The following RNF44 variants were observed in gnomAD, a reference collection of about 807,000 sequenced individuals.
RNF44 encodes the protein ring finger protein 44.
In RNF44, 25 loss-of-function variants were observed where a neutral mutation model predicts 53.6. The observed-to-expected ratio is 0.47, with a 90% confidence interval of 0.34 to 0.65. RNF44 has a LOEUF of 0.65. RNF44 is among the 30% of genes least tolerant of loss of function. The pLI is 0.01. For missense variants in RNF44, 581 were observed against 595.5 expected (o/e 0.98, Z 0.25); for synonymous variants, 282 against 252.2 (o/e 1.12, Z -1.12).
At position 176,531,344 on chromosome 5, in the gene RNF44, T is replaced by C; in HGVS notation, c.465+119A>G. The C allele has an allele frequency of 9.9e-7, 1 of 1,013,710 alleles. No individual in the cohort carries two copies. The highest frequency in any genetic ancestry group is 1.7e-5 in the South Asian group (1 of 59,652). The allele number at this position is 1,013,710 out of a possible 1,614,324, so 62.8% of individuals were successfully genotyped here. On this transcript the variant is annotated intron_variant, in intron 4 of 10. Transcript: ENST00000274811. The surrounding 1 kb of genome is among the most constrained non-coding windows in gnomAD (Gnocchi z 4.2). ...TCCTGGGGAGGCCAGGCAGGCGCTC[T>C]GACAGCCTGGATGGCTGGATAGCTC...
Position 176,531,133 on chromosome 5 carries a change from G to A in RNF44, c.466-112C>T, listed in dbSNP as rs1756620085. The A allele has an allele frequency of 2.6e-6, 2 of 780,950 alleles. No individual in the cohort carries two copies. The highest frequency in any genetic ancestry group is 3.0e-5 in the East Asian group (1 of 33,124). The allele number at this position is 780,950 out of a possible 1,614,324, so 48.4% of individuals were successfully genotyped here. ...CCGGGCACACACCCAGCAGCTCCAG[G>A]GTCTGTATAAGAAACCCTGTGGAAG... On this transcript the variant is annotated intron_variant, in intron 4 of 10. Transcript: ENST00000274811. The surrounding 1 kb of genome is among the most constrained non-coding windows in gnomAD (Gnocchi z 4.2).
chr5:176,536,310 G>A (rs1203875347), intron 1 of RNF44: 1 of 152,302 alleles, frequency 6.6e-6, no homozygotes, highest in Non-Finnish European at 1.5e-5. Flanking sequence ...AATGGGGGTG[G>A]AAATCTTTCC....
Position 176,537,090 on chromosome 5 carries a change from C to G in RNF44, c.-195G>C, listed in dbSNP as rs1414234266. ...TGTGCTCCCCTCCCCACCCCCGGGTCCGGGGGCAGCCCGGCTCCTTCCGGG... is the reference window on the plus strand; with the variant it reads ...TGTGCTCCCCTCCCCACCCCCGGGTGCGGGGGCAGCCCGGCTCCTTCCGGG... On this transcript the variant is annotated 5_prime_UTR_variant, in exon 1 of 11. Coordinates refer to ENST00000274811, the MANE Select transcript of RNF44 (RefSeq NM_014901.5). 1 of 152,136 alleles carries G rather than the reference C, an allele frequency of 6.6e-6. No homozygotes were observed. Among genetic ancestry groups the G allele is most frequent in the Non-Finnish European group, 1.5e-5 (1 of 68,082 alleles). The allele number at this position is 152,136 out of a possible 1,614,324, so 9.4% of individuals were successfully genotyped here.
upstream of RNF44, chr5:176,542,500 C>T (rs1266910114): frequency 6.6e-6 from 1 of 152,268 alleles, no homozygotes; most frequent in Non-Finnish European, 1.5e-5. Flanking sequence ...GCTGGAACCC[C>T]CAGGTTCTGC....
chr5:176,535,763 C>G (rs1419209968), intron 1 of RNF44, among the ~76,000 whole-genome samples: 2 of 152,198 alleles, frequency 1.3e-5, no homozygotes, highest in Non-Finnish European at 2.9e-5. Flanking sequence ...GAGCTAGCAA[C>G]TTGCTCAAGG....
chr5:176,540,984 T>C (rs911434570), upstream of RNF44, among the ~76,000 whole-genome samples: 1 of 152,236 alleles, frequency 6.6e-6, no homozygotes, highest in Admixed American at 6.5e-5. Flanking sequence ...GGAACCCTGC[T>C]GTGGGGACGT....
chr5:176,535,439 G>T (rs1167390421), intron 1 of RNF44, among the ~76,000 whole-genome samples: 1 of 152,198 alleles, frequency 6.6e-6, no homozygotes, highest in Non-Finnish European at 1.5e-5. Context: ...TGGTAAGAGT[G>T]GATCCTGGTT....
chr5:176,529,718 G>A lies in RNF44; in HGVS notation c.1014+13C>T, dbSNP rs1215335998. ...TCCCAAACCCCACCTCCCAGCATGGGGCTCCATGGGACCTCATAGTTCTCC... is the reference window on the plus strand; with the variant it reads ...TCCCAAACCCCACCTCCCAGCATGGAGCTCCATGGGACCTCATAGTTCTCC... On this transcript the variant is annotated intron_variant, in intron 8 of 10. Coordinates refer to ENST00000274811, the MANE Select transcript of RNF44 (RefSeq NM_014901.5). The A allele has an allele frequency of 5.0e-6, 8 of 1,611,024 alleles. No homozygotes were observed. Among genetic ancestry groups the A allele is most frequent in the Non-Finnish European group, 6.8e-6 (8 of 1,178,614 alleles).
intron 9 of RNF44, 25 bp downstream of exon 9, chr5:176,529,498 G>A: frequency 6.2e-7 from 1 of 1,613,522 alleles, no homozygotes; most frequent in Non-Finnish European, 8.5e-7. Flanking sequence ...GTTCAGAGGG[G>A]TGGGAGGTGG....
In RNF44 at chr5:176,526,990, AATAC is replaced by A. The variant is rs1414178002; in HGVS notation, c.*2034_*2037del. On this transcript the variant is annotated 3_prime_UTR_variant, in exon 11 of 11. Coordinates refer to ENST00000274811, the MANE Select transcript of RNF44 (RefSeq NM_014901.5). ...TTCTCTATATATTAGCATTTTCTCA[AATAC>A]ATACATGGGAAAAATGAGGTAACTG... 6.6e-6 allele frequency: 1 copy of A among 152,408 alleles called. No homozygotes were observed. Among genetic ancestry groups the A allele is most frequent in the Admixed American group, 6.6e-5 (1 of 15,258 alleles). The allele number at this position is 152,408 out of a possible 1,614,324, so 9.4% of individuals were successfully genotyped here. A position where few individuals can be genotyped will look rare whatever the true frequency, so the allele number is the denominator to read the frequency against.
intron 1 of RNF44, among the ~76,000 whole-genome samples, chr5:176,533,970 C>T (rs1256190949): frequency 6.6e-6 from 1 of 152,256 alleles, no homozygotes; most frequent in Non-Finnish European, 1.5e-5. Context: ...TCCCTGTTGA[C>T]ACAGCCAGGG....
In RNF44 at chr5:176,531,637, G is replaced by C. The variant is rs1756676241; in HGVS notation, c.298-7C>G. Reference sequence around the variant, plus strand: ...GGACAGGTCCCTGGTGCACCTGTGGGTGGAGAGAACGCCGGGAAAGTATGA... The same window carrying C: ...GGACAGGTCCCTGGTGCACCTGTGGCTGGAGAGAACGCCGGGAAAGTATGA... On this transcript the variant is annotated splice_region_variant and splice_polypyrimidine_tract_variant and intron_variant, in intron 3 of 10. Transcript: ENST00000274811. The surrounding 1 kb of genome is among the most constrained non-coding windows in gnomAD (Gnocchi z 4.2). 1.3e-6 allele frequency: 2 copies of C among 1,598,128 alleles called. No homozygotes were observed. Among genetic ancestry groups the C allele is most frequent in the Non-Finnish European group, 1.7e-6 (2 of 1,170,358 alleles).
chr5:176,530,093 C>G lies in RNF44; in HGVS notation c.915G>C (p.Leu305=), dbSNP rs776727567. ...PPPPPYYPSF[L]PYFLSMLPMS... The stretch of plus-strand genomic sequence containing the variant: ...GTGCGGATACTTACAGGAAGTAGGG[C>G]AGGAAGCTGGGGTAGTAGGGTGGTG... Residue 305 remains leucine (L), a synonymous_variant, in exon 7 of 11, where the codon CTG becomes CTC. Coordinates refer to ENST00000274811, the MANE Select transcript of RNF44 (RefSeq NM_014901.5). 8.8e-6 allele frequency: 9 copies of G among 1,017,592 alleles called. 1 individual carries two copies. In the South Asian group the frequency reaches 2.6e-4, roughly 30 times the overall value. The allele number at this position is 1,017,592 out of a possible 1,614,324, so 63.0% of individuals were successfully genotyped here.
upstream of RNF44, among the ~76,000 whole-genome samples, chr5:176,539,701 C>T (rs1016003380): frequency 6.6e-6 from 1 of 150,970 alleles, no homozygotes; most frequent in Non-Finnish European, 1.5e-5. Flanking sequence ...AAAAAAAAAA[C>T]CCTCCCCACA....
chr5:176,530,922 C>T lies in RNF44; in HGVS notation c.565G>A (p.Ala189Thr), dbSNP rs1756599532. The T allele has an allele frequency of 1.4e-6, 2 of 1,388,702 alleles. No individual in the cohort carries two copies. Among genetic ancestry groups the T allele is most frequent in the Non-Finnish European group, 1.9e-6 (2 of 1,053,720 alleles). The allele number at this position is 1,388,702 out of a possible 1,614,324, so 86.0% of individuals were successfully genotyped here. A position where few individuals can be genotyped will look rare whatever the true frequency, so the allele number is the denominator to read the frequency against. The change falls in exon 5 of 11, where the codon GCC (alanine) becomes ACC (threonine). Residue 189 changes from alanine to threonine, a missense_variant. Physicochemically the swap from Ala to Thr is moderately conservative, Grantham distance 58. Around this residue, in one of 3 missense-constraint regions of RNF44, gnomAD observed 387 missense variants for 366.0 expected, o/e 1.06. Coordinates refer to ENST00000274811, the MANE Select transcript of RNF44 (RefSeq NM_014901.5). ...ATGTGGGTGGGCTGGGGGGGTGGGGCCGGTGGTGGGGGGTGCAGGATGTAG... is the reference window on the plus strand; with the variant it reads ...ATGTGGGTGGGCTGGGGGGGTGGGGTCGGTGGTGGGGGGTGCAGGATGTAG... ...DHYILHPPPP[A>T]PPPQPTHMAP...
Position 176,529,715 on chromosome 5 carries a change from T to TGG in RNF44, c.1014+14_1014+15dup. 6.2e-7 allele frequency: 1 copy of TGG among 1,610,856 alleles called. No homozygotes were observed. Among genetic ancestry groups the TGG allele is most frequent in the Non-Finnish European group, 8.5e-7 (1 of 1,178,468 alleles). On this transcript the variant is annotated intron_variant, in intron 8 of 10. Transcript: ENST00000274811. ...GTCTCCCAAACCCCACCTCCCAGCA[T>TGG]GGGGCTCCATGGGACCTCATAGTTC...
At chr5:176,529,166 T>C in intron 10 of RNF44, 76 bp from the exon 11 acceptor site, 1 of 1,583,492 alleles carries the variant, frequency 6.3e-7, no homozygotes, top group Non-Finnish European at 8.6e-7. Context: ...CTGGGGGGAC[T>C]TGGTCCGCTG....
intron 5 of RNF44, 40 bp downstream of exon 5, chr5:176,530,808 C>A (rs371186865): frequency 8.2e-6 from 12 of 1,463,458 alleles, no homozygotes; most frequent in African/African-American, 1.5e-5. Flanking sequence ...TGCCTCCCCC[C>A]ACGCCATCTC....
At position 176,529,755 on chromosome 5, in the gene RNF44, A is replaced by G; in HGVS notation, c.990T>C (p.Asp330=). ...CCTCATAGTTCTCCATCTCCACATC[A>G]TCCACGTCCAGGTCCAGGCTGATGG... ...GPTISLDLDV[D]DVEMENYEAL... Residue 330 remains aspartate, a synonymous_variant, in exon 8 of 11, where the codon GAT becomes GAC. Transcript: ENST00000274811. 6.2e-7 allele frequency: 1 copy of G among 1,612,404 alleles called. No individual in the cohort carries two copies. Among genetic ancestry groups the G allele is most frequent in the Non-Finnish European group, 8.5e-7 (1 of 1,179,140 alleles).
Sources: gnomAD v4.1 joint callset for allele counts (sites outside exome capture counted in the v4.1 genomes callset) on GRCh38, gnomAD v4.1.1 for gene constraint, gnomAD v4.1.1 regional missense constraint, Gnocchi (gnomAD v3.1) non-coding constraint, MANE v1.5 for transcripts, NCBI Gene and HGNC (gene_info 2026-07-23, HGNC 2026-07-21) for gene names.